LRP1: variants seen among roughly 807,000 people sequenced by gnomAD.
The protein encoded by LRP1 is prolow-density lipoprotein receptor-related protein 1.
In LRP1, 51 loss-of-function variants were observed where a neutral mutation model predicts 541.5. The observed-to-expected ratio is 0.09, with a 90% confidence interval of 0.08 to 0.12. The LOEUF (loss-of-function observed/expected upper bound fraction) is 0.12, where lower values mean the gene tolerates loss of function less well. Among genes scored for constraint, LRP1 ranks in the 10% least tolerant of loss-of-function variants. The probability of loss-of-function intolerance (pLI) is 1.00; values close to 1 mark genes in which losing one functional copy is unlikely to be tolerated. For synonymous variants in LRP1, 2,219 were observed against 2,470.8 expected, an observed-to-expected ratio of 0.90 and a Z score of 3.02; for missense variants, 3,878 against 6,376.2, an observed-to-expected ratio of 0.61 and a Z score of 13.34.
intron 1 of LRP1, among the ~76,000 whole-genome samples, chr12:57,133,991 A>G (rs1178763907): frequency 1.3e-5 from 2 of 152,038 alleles, no homozygotes; most frequent in Non-Finnish European, 2.9e-5. Context: ...AGGTCCCAGA[A>G]TGGGACACAG....
In LRP1 at chr12:57,165,142, C is replaced by T. The variant is rs550230011; in HGVS notation, c.2531-663C>T. On this transcript the variant is annotated intron_variant, in intron 15 of 88. Coordinates refer to ENST00000243077, the MANE Select transcript of LRP1 (RefSeq NM_002332.3). The surrounding 1 kb of genome is among the most constrained non-coding windows in gnomAD (Gnocchi z 4.5). ...GGGATACGGGAGGGGAAATCGCCACCCATGGGGCCATGGGAAGTTTCAGAG... is the reference window on the plus strand; with the variant it reads ...GGGATACGGGAGGGGAAATCGCCACTCATGGGGCCATGGGAAGTTTCAGAG... The T allele has an allele frequency of 6.6e-6, 1 of 152,564 alleles. No homozygotes were observed. Among genetic ancestry groups the T allele is most frequent in the Admixed American group, 6.5e-5 (1 of 15,322 alleles). The allele number at this position is 152,564 out of a possible 1,614,324, so 9.5% of individuals were successfully genotyped here. A position where few individuals can be genotyped will look rare whatever the true frequency, so the allele number is the denominator to read the frequency against.
Position 57,211,596 on chromosome 12 carries a change from G to T in LRP1, c.13193+8G>T. The T allele has an allele frequency of 6.2e-7, 1 of 1,613,650 alleles. No individual in the cohort carries two copies. Among genetic ancestry groups the T allele is most frequent in the Non-Finnish European group, 8.5e-7 (1 of 1,179,654 alleles). ...AATGATGCCTGAGTGCCAGTGAGTTGGGCCCGGGCTTCACCCAGGCATAGA... is the reference window on the plus strand; with the variant it reads ...AATGATGCCTGAGTGCCAGTGAGTTTGGCCCGGGCTTCACCCAGGCATAGA... On this transcript the variant is annotated splice_region_variant and intron_variant, in intron 85 of 88. Transcript: ENST00000243077. The surrounding 1 kb of genome is among the most constrained non-coding windows in gnomAD (Gnocchi z 4.3).
At chr12:57,139,623 C>T (rs182302940) in intron 2 of LRP1, among the ~76,000 whole-genome samples, 3 of 152,256 alleles carry the variant, frequency 2.0e-5, no homozygotes, top group Non-Finnish European at 4.4e-5. Context: ...TATGCATTAC[C>T]ACTCTGTTCA....
At position 57,201,244 on chromosome 12, in the gene LRP1, A is replaced by G. The variant is rs555349459; in HGVS notation, c.10345+91A>G. ...TCCCCACAGCTTTGAGAGGCTCTCA[A>G]ATAACTTTAGTAGATGGGCAACACA... is the stretch of plus-strand genomic sequence containing the variant. On this transcript the variant is annotated intron_variant, in intron 65 of 88. Coordinates refer to ENST00000243077, the MANE Select transcript of LRP1 (RefSeq NM_002332.3). The surrounding 1 kb of genome is among the most constrained non-coding windows in gnomAD (Gnocchi z 6.4). 5.0e-5 allele frequency: 79 copies of G among 1,575,120 alleles called. No individual in the cohort carries two copies. Among genetic ancestry groups the G allele is most frequent in the Non-Finnish European group, 6.8e-5 (78 of 1,153,618 alleles).
At chr12:57,167,703 T>C (rs1237089000) in intron 19 of LRP1, among the ~76,000 whole-genome samples, 179 bp downstream of exon 19, 2 of 152,198 alleles carry the variant, frequency 1.3e-5, no homozygotes, top group African/African-American at 2.4e-5. Flanking sequence ...GGAGCCACGA[T>C]GGACCAAGGG....
chr12:57,190,556 G>T (rs1432456125), intron 42 of LRP1, among the ~76,000 whole-genome samples: 1 of 152,214 alleles, frequency 6.6e-6, no homozygotes, highest in South Asian at 2.1e-4. Flanking sequence ...GACGGTCACT[G>T]CCCAGATACT....
intron 68 of LRP1, chr12:57,202,930 T>C (rs960017091): frequency 1.7e-6 from 1 of 574,914 alleles, no homozygotes; most frequent in Non-Finnish European, 3.1e-6. Flanking sequence ...ACACAGTCTG[T>C]TCTGAGGGCA....
At chr12:57,182,866 G>A (rs147653105) in intron 34 of LRP1, among the ~76,000 whole-genome samples, 2 of 152,246 alleles carry the variant, frequency 1.3e-5, no homozygotes, top group African/African-American at 4.8e-5. Flanking sequence ...AAAAGAAATG[G>A]GATAACTGGG....
intron 60 of LRP1, among the ~76,000 whole-genome samples, chr12:57,198,898 A>G (rs2036590787): frequency 6.6e-6 from 1 of 152,152 alleles, no homozygotes; most frequent in Non-Finnish European, 1.5e-5. Context: ...TCCCTTGTAT[A>G]CACAGTTCTG....
intron 18 of LRP1, 32 bp from the exon 19 acceptor site, chr12:57,167,412 G>A (rs2035861128): frequency 6.7e-7 from 1 of 1,481,732 alleles, no homozygotes; most frequent in Non-Finnish European, 9.4e-7. Context: ...TAATCGTGAA[G>A]GCCCTACTCA....
Position 57,185,197 on chromosome 12 carries a change from G to A in LRP1, c.6455G>A (p.Arg2152Gln), listed in dbSNP as rs2036244593. 2.5e-6 allele frequency: 4 copies of A among 1,614,124 alleles called. No homozygotes were observed. The highest frequency in any genetic ancestry group is 4.5e-5 in the East Asian group (2 of 44,882). ...GACATCAAAGTCTTCAACCGGGACC[G>A]GCAGAAAGGTGAGGCTGGGGCTCTG... ...LKDIKVFNRD[R>Q]QKGTNVCAVA... The change falls in exon 40 of 89, where the codon CGG becomes CAG. Residue 2152 changes from arginine (R) to glutamine (Q), a missense_variant. By Grantham distance (43) the Arg-to-Gln change is conservative. Coordinates refer to ENST00000243077, the MANE Select transcript of LRP1 (RefSeq NM_002332.3). This position sits in a 1 kb window ranked among gnomAD's most constrained non-coding sequence, Gnocchi z 4.9.
chr12:57,197,226 A>G lies in LRP1; in HGVS notation c.9076+61A>G. On this transcript the variant is annotated intron_variant, in intron 56 of 88. Transcript: ENST00000243077. This position sits in a 1 kb window ranked among gnomAD's most constrained non-coding sequence, Gnocchi z 4.5. Reference sequence around the variant, plus strand: ...GGCTGTGTGGGACTGCCCGGGTGGCAGAGCTCCAGACAGGCAGGAGACCAG... The same window carrying G: ...GGCTGTGTGGGACTGCCCGGGTGGCGGAGCTCCAGACAGGCAGGAGACCAG... 1 of 1,612,606 alleles carries G rather than the reference A, an allele frequency of 6.2e-7. No homozygotes were observed. The highest frequency in any genetic ancestry group is 8.5e-7 in the Non-Finnish European group (1 of 1,178,642).
chr12:57,180,509 C>G, intron 32 of LRP1, 30 bp downstream of exon 32: 1 of 1,612,908 alleles, frequency 6.2e-7, no homozygotes, highest in Non-Finnish European at 8.5e-7. Context: ...GCAGAGATGA[C>G]GCAGAGCAGG....
In LRP1 at chr12:57,179,260, G is replaced by A. The variant is rs2036111714; in HGVS notation, c.4739-69G>A. The A allele has an allele frequency of 3.0e-6, 4 of 1,318,140 alleles. No homozygotes were observed. Among genetic ancestry groups the A allele is most frequent in the Non-Finnish European group, 4.3e-6 (4 of 929,348 alleles). 81.7% of individuals were successfully genotyped at this position (1,318,140 alleles called of 1,614,324 possible). On this transcript the variant is annotated intron_variant, in intron 28 of 88. Coordinates refer to ENST00000243077, the MANE Select transcript of LRP1 (RefSeq NM_002332.3). This position sits in a 1 kb window ranked among gnomAD's most constrained non-coding sequence, Gnocchi z 6.8. ...ACAGACGGATCCAGAAGAAGGCAGG[G>A]CCTGAAACCGGATTGGTGGGAAGCA...
Position 57,201,790 on chromosome 12 carries a change from C to A in LRP1, c.10479C>A (p.Thr3493=). The A allele has an allele frequency of 6.2e-7, 1 of 1,614,110 alleles. No individual in the cohort carries two copies. Among genetic ancestry groups the A allele is most frequent in the Non-Finnish European group, 8.5e-7 (1 of 1,180,020 alleles). The change falls in exon 67 of 89, where the codon ACC becomes ACA. Residue 3493 remains threonine, a synonymous_variant. Transcript: ENST00000243077. The surrounding 1 kb of genome is among the most constrained non-coding windows in gnomAD (Gnocchi z 6.4). The stretch of plus-strand genomic sequence containing the variant: ...CCCACCCGCTTGCAGCCCAGATGAC[C>A]TGTGGTGTGGACGAGTTCCGCTGCA... ...SDEPANCTQM[T]CGVDEFRCKD...
At chr12:57,192,791 G>A (rs201656944) in intron 44 of LRP1, 54 bp from the exon 45 acceptor site, 5 of 1,609,884 alleles carry the variant, frequency 3.1e-6, no homozygotes, top group Admixed American at 3.3e-5. Context: ...CACTCTGGGT[G>A]CATGCACAGC....
chr12:57,199,589 G>A (rs754699707), intron 61 of LRP1, among the ~76,000 whole-genome samples, 189 bp downstream of exon 61: 9 of 152,188 alleles, frequency 5.9e-5, no homozygotes, highest in Non-Finnish European at 1.2e-4. Flanking sequence ...CAGCCCTGGA[G>A]TCTGGCAGCA....
intron 1 of LRP1, among the ~76,000 whole-genome samples, chr12:57,134,073 C>T (rs380732): frequency 2.0e-5 from 3 of 152,200 alleles, no homozygotes; most frequent in Admixed American, 2.0e-4. Flanking sequence ...CTCTACACCT[C>T]CTGCCCTGGC....
chr12:57,139,430 A>G (rs34997299), intron 2 of LRP1, among the ~76,000 whole-genome samples: 3 of 152,150 alleles, frequency 2.0e-5, no homozygotes, highest in Non-Finnish European at 4.4e-5. Flanking sequence ...GGCCAGGGGT[A>G]TTCAGCAAGT....
Sources: gnomAD v4.1 joint callset for allele counts (sites outside exome capture counted in the v4.1 genomes callset) on GRCh38, gnomAD v4.1.1 for gene constraint, Gnocchi (gnomAD v3.1) non-coding constraint, MANE v1.5 for transcripts, NCBI Gene and HGNC (gene_info 2026-07-23, HGNC 2026-07-21) for gene names.